CLDN16: variants seen among roughly 807,000 people sequenced by gnomAD.
CLDN16 encodes the protein claudin-16.
CLDN16 carries 13 observed loss-of-function variants against 24.6 expected under a neutral mutation model. That is an observed-to-expected ratio of 0.53 (90% confidence interval 0.34 to 0.84). The LOEUF is 0.84. Among genes scored for constraint, CLDN16 ranks in the 40% least tolerant of loss-of-function variants. The probability of loss-of-function intolerance (pLI) is 0.01; values close to 1 mark genes in which losing one functional copy is unlikely to be tolerated. For synonymous variants in CLDN16, 116 were observed against 106.7 expected (o/e 1.09, Z -0.54); for missense variants, 298 against 292.7 (o/e 1.02, Z -0.13).
intron 3 of CLDN16, among the ~76,000 whole-genome samples, chr3:190,405,428 G>GAAAA (rs542527344): frequency 5.1e-4 from 41 of 81,138 alleles, no homozygotes; most frequent in Middle Eastern, 9.3e-3. Context: ...CCGTCTCACG[G>GAAAA]AAAAAAAAAA....
At chr3:190,347,993 C>T (rs893754256) in intron 1 of CLDN16, among the ~76,000 whole-genome samples, 9 of 150,644 alleles carry the variant, frequency 6.0e-5, no homozygotes, top group African/African-American at 2.2e-4. Flanking sequence ...TCTGTAATCC[C>T]AGCATTTTGA....
intron 1 of CLDN16, among the ~76,000 whole-genome samples, chr3:190,324,076 G>A (rs1320157565): frequency 6.6e-6 from 1 of 152,274 alleles, no homozygotes; most frequent in Non-Finnish European, 1.5e-5. Context: ...ATCAGAGAAG[G>A]CACTGGAATT....
upstream of CLDN16, among the ~76,000 whole-genome samples, chr3:190,320,630 G>T (rs1716893283): frequency 6.6e-6 from 1 of 152,124 alleles, no homozygotes; most frequent in Non-Finnish European, 1.5e-5. Context: ...AACAGATTTG[G>T]AACAGGTTTA....
chr3:190,315,631 C>T, the CLDN16 span, among the ~76,000 whole-genome samples: 1 of 152,142 alleles, frequency 6.6e-6, no homozygotes, highest in African/African-American at 2.4e-5. Flanking sequence ...TTTATTTTTT[C>T]ATAAATACTC....
the CLDN16 span, chr3:190,308,032 C>T: frequency 2.2e-6 from 1 of 444,484 alleles, no homozygotes; most frequent in Non-Finnish European, 4.1e-6. Flanking sequence ...TATGATTACT[C>T]AATGGGAAGC....
intron 1 of CLDN16, among the ~76,000 whole-genome samples, chr3:190,368,268 T>C (rs1279881707): frequency 6.6e-6 from 1 of 151,964 alleles, no homozygotes; most frequent in Admixed American, 6.6e-5. Flanking sequence ...GGGAAGCCTA[T>C]GAAGGGGCTC....
intron 1 of CLDN16, among the ~76,000 whole-genome samples, chr3:190,340,363 C>T (rs113736125): frequency 0.045 from 6,823 of 152,128 alleles, 197 homozygotes; most frequent in East Asian, 0.08. Flanking sequence ...TTCCATGCAG[C>T]GGGGAGGCCT....
chr3:190,388,579 G>C (rs1442405532), intron 1 of CLDN16, 136 bp downstream of exon 1: 4 of 781,924 alleles, frequency 5.1e-6, no homozygotes, highest in Non-Finnish European at 9.2e-6. Context: ...TATTTATTGA[G>C]TCTTTACATT....
At chr3:190,342,191 C>T (rs980231056) in intron 1 of CLDN16, among the ~76,000 whole-genome samples, 13 of 152,164 alleles carry the variant, frequency 8.5e-5, no homozygotes, top group African/African-American at 3.1e-4. Context: ...CCCCACTCTG[C>T]TGGTACCAAT....
intron 4 of CLDN16, 114 bp downstream of exon 4, chr3:190,408,619 G>A (rs770379676): frequency 1.0e-6 from 1 of 991,496 alleles, no homozygotes; most frequent in Non-Finnish European, 1.5e-6. Context: ...CCTACCTATT[G>A]CCATTAAAAA....
In CLDN16 at chr3:190,410,103, T is replaced by C; in HGVS notation, c.*67T>C. 1 of 1,533,368 alleles carries C rather than the reference T, an allele frequency of 6.5e-7. No individual in the cohort carries two copies. The highest frequency in any genetic ancestry group is 9.0e-7 in the Non-Finnish European group (1 of 1,106,394). The allele number at this position is 1,533,368 out of a possible 1,614,324, so 95.0% of individuals were successfully genotyped here. The stretch of plus-strand genomic sequence containing the variant: ...CAGTATGGTTACATTGATAAAATAG[T>C]AAGTCAATCCAGGAACAGTTATTTA... On this transcript the variant is annotated 3_prime_UTR_variant, in exon 5 of 5. Transcript: ENST00000264734.
At chr3:190,346,415 AC>A (rs1049359037) in intron 1 of CLDN16, among the ~76,000 whole-genome samples, 4 of 152,168 alleles carry the variant, frequency 2.6e-5, no homozygotes, top group Non-Finnish European at 5.9e-5. Context: ...CAGGATAGTG[AC>A]CCAGTCATAT....
At chr3:190,372,183 T>G (rs1342620694) in intron 2 of CLDN16, among the ~76,000 whole-genome samples, 1 of 151,920 alleles carries the variant, frequency 6.6e-6, no homozygotes, top group Non-Finnish European at 1.5e-5. Flanking sequence ...GAAATTATTT[T>G]TTTCAACCCA....
At chr3:190,358,315 T>C (rs1717819113) in intron 1 of CLDN16, among the ~76,000 whole-genome samples, 1 of 151,974 alleles carries the variant, frequency 6.6e-6, no homozygotes, top group Admixed American at 6.6e-5. Context: ...AAGCATGCAT[T>C]ATAAAGCATG....
intron 1 of CLDN16, among the ~76,000 whole-genome samples, chr3:190,394,122 T>C (rs1232927196): frequency 6.6e-6 from 1 of 152,162 alleles, no homozygotes; most frequent in Non-Finnish European, 1.5e-5. Context: ...ATAAGTCAAA[T>C]AGTGAAGGTT....
intron 2 of CLDN16, among the ~76,000 whole-genome samples, chr3:190,371,561 A>G (rs1358417602): frequency 6.6e-6 from 1 of 151,914 alleles, no homozygotes; most frequent in Non-Finnish European, 1.5e-5. Context: ...CCTGCTCTTG[A>G]AATTACATTC....
intron 1 of CLDN16, among the ~76,000 whole-genome samples, chr3:190,360,065 T>G (rs1717855094): frequency 6.6e-6 from 1 of 152,002 alleles, no homozygotes; most frequent in Non-Finnish European, 1.5e-5. Context: ...CCTTGGTCTT[T>G]AAACTGTAGA....
chr3:190,310,552 A>G, the CLDN16 span, among the ~76,000 whole-genome samples: 39 of 152,210 alleles, frequency 2.6e-4, no homozygotes, highest in African/African-American at 9.2e-4. Flanking sequence ...ATCTCTTTTA[A>G]ATATGCTGTT....
intron 1 of CLDN16, among the ~76,000 whole-genome samples, chr3:190,367,686 C>T (rs907163126): frequency 6.6e-6 from 1 of 151,874 alleles, no homozygotes; most frequent in African/African-American, 2.4e-5. Context: ...ACTCTCTGGC[C>T]AAAGCCTACT....
Sources: gnomAD v4.1 joint callset for allele counts (sites outside exome capture counted in the v4.1 genomes callset) on GRCh38, gnomAD v4.1.1 for gene constraint, MANE v1.5 for transcripts, NCBI Gene and HGNC (gene_info 2026-07-23, HGNC 2026-07-21) for gene names.